RABL2B: variants seen among roughly 807,000 people sequenced by gnomAD.
RABL2B encodes the protein rab-like protein 2B.
A neutral mutation model predicts 26.7 loss-of-function variants in RABL2B; 17 were observed. The ratio of observed to expected loss-of-function variants is 0.64; its 90% CI spans 0.44 to 0.95. The LOEUF is 0.95. Among genes scored for constraint, RABL2B ranks in the 40% least tolerant of loss-of-function variants. The probability of loss-of-function intolerance (pLI) is 0.00; values close to 1 mark genes in which losing one functional copy is unlikely to be tolerated. For synonymous variants in RABL2B, 70 were observed against 103.9 expected (o/e 0.67, Z 1.99); for missense variants, 170 against 277.2 (o/e 0.61, Z 2.75).
chr22:50,768,768 C>G lies in RABL2B; in HGVS notation c.*8G>C. On this transcript the variant is annotated 3_prime_UTR_variant, in exon 9 of 9. Coordinates refer to ENST00000691320, the MANE Select transcript of RABL2B (RefSeq NM_001130919.3). The stretch of plus-strand genomic sequence containing the variant: ...AAAAGGGCTCCACCCACCCCTAGCC[C>G]CAGCCCCTCAGCTGTGGGGAGAGGC... 1 of 1,613,810 alleles carries G rather than the reference C, an allele frequency of 6.2e-7. No homozygotes were observed. Among genetic ancestry groups the G allele is most frequent in the Non-Finnish European group, 8.5e-7 (1 of 1,179,838 alleles).
At chr22:50,776,881 A>C (rs1177072049) in intron 3 of RABL2B, 132 bp from the exon 4 acceptor site, 2 of 1,460,602 alleles carry the variant, frequency 1.4e-6, no homozygotes, top group Non-Finnish European at 1.8e-6. Flanking sequence ...TTTAAATCAA[A>C]TGAATGTTGC....
intron 3 of RABL2B, chr22:50,777,745 A>G (rs1555925424): frequency 2.9e-6 from 2 of 692,096 alleles, no homozygotes; most frequent in Non-Finnish European, 5.3e-6. Flanking sequence ...CAATCCAAAT[A>G]TGAGTAAGGT....
chr22:50,779,894 T>C (rs2085534509), intron 2 of RABL2B, among the ~76,000 whole-genome samples: 2 of 152,096 alleles, frequency 1.3e-5, no homozygotes, highest in Non-Finnish European at 2.9e-5. Context: ...GGCATGAGAA[T>C]TGCTTGAACC....
At chr22:50,782,672 A>G (rs2086087391) in intron 1 of RABL2B, 1 of 295,612 alleles carries the variant, frequency 3.4e-6, no homozygotes, top group South Asian at 3.2e-5. Flanking sequence ...ATGACTTTGC[A>G]AACATTCCTG....
At chr22:50,782,139 C>G in intron 2 of RABL2B, 49 bp downstream of exon 2, 1 of 1,175,642 alleles carries the variant, frequency 8.5e-7, no homozygotes, top group East Asian at 2.6e-5. Flanking sequence ...TTTTAAATGA[C>G]CTGGACCCTC....
intron 7 of RABL2B, 151 bp from the exon 8 acceptor site, chr22:50,769,275 A>G (rs1348794290): frequency 1.2e-6 from 1 of 863,496 alleles, no homozygotes; most frequent in Non-Finnish European, 1.8e-6. Flanking sequence ...TGACCTATGT[A>G]TGGTCAATGG....
Position 50,775,762 on chromosome 22 carries a change from C to T in RABL2B, c.297+10G>A, listed in dbSNP as rs369822947. 145 of 1,614,076 alleles carry T rather than the reference C, an allele frequency of 9.0e-5. No homozygotes were observed. The highest frequency in any genetic ancestry group is 9.1e-5 in the Non-Finnish European group (107 of 1,179,982). On this transcript the variant is annotated intron_variant, in intron 5 of 8. Coordinates refer to ENST00000691320, the MANE Select transcript of RABL2B (RefSeq NM_001130919.3). ...CCAGTGCCTTTGTCCACCTCCCCAC[C>T]GTCTCGTACCATGATGCAGGCGTGG...
chr22:50,778,150 T>C (rs1296796166), intron 2 of RABL2B, among the ~76,000 whole-genome samples, 169 bp from the exon 3 acceptor site: 7 of 151,830 alleles, frequency 4.6e-5, no homozygotes, highest in African/African-American at 1.7e-4. Context: ...GTATCAGCAT[T>C]ACCAACCCGT....
chr22:50,783,342 C>T (rs1174703654), intron 1 of RABL2B, 159 bp downstream of exon 1: 1 of 153,504 alleles, frequency 6.5e-6, no homozygotes, highest in Non-Finnish European at 1.5e-5. Flanking sequence ...CATGTCCAGG[C>T]ATCGCCAGGC....
rs1555925454 is a variant in RABL2B, at chr22:50,777,813, T to C, written c.137+139A>G. The C allele has an allele frequency of 7.3e-6, 10 of 1,363,346 alleles. No homozygotes were observed. The South Asian group carries it at 1.1e-4, about 15-fold the overall frequency. The allele number at this position is 1,363,346 out of a possible 1,614,324, so 84.5% of individuals were successfully genotyped here. A position where few individuals can be genotyped will look rare whatever the true frequency, so the allele number is the denominator to read the frequency against. On this transcript the variant is annotated intron_variant, in intron 3 of 8. Coordinates refer to ENST00000691320, the MANE Select transcript of RABL2B (RefSeq NM_001130919.3). ...TGTGGGTCAATCGGCAAGAAACAAG[T>C]GCGGAACAAAACCTGTGCGTTCACT...
Position 50,777,987 on chromosome 22 carries a change from A to G in RABL2B, c.108-6T>C. The G allele has an allele frequency of 6.2e-7, 1 of 1,614,084 alleles. No individual in the cohort carries two copies. The highest frequency in any genetic ancestry group is 8.5e-7 in the Non-Finnish European group (1 of 1,180,006). On this transcript the variant is annotated splice_region_variant and splice_polypyrimidine_tract_variant and intron_variant, in intron 2 of 8. Coordinates refer to ENST00000691320, the MANE Select transcript of RABL2B (RefSeq NM_001130919.3). Reference sequence around the variant, plus strand: ...TGAGAAATCTCTCCATGAGTCTGTAAGCAGAACAGGCAAGGTGGTCAGATG... The same window carrying G: ...TGAGAAATCTCTCCATGAGTCTGTAGGCAGAACAGGCAAGGTGGTCAGATG...
intron 5 of RABL2B, among the ~76,000 whole-genome samples, chr22:50,775,318 A>G (rs1181798994): frequency 1.3e-5 from 2 of 151,934 alleles, no homozygotes; most frequent in African/African-American, 2.4e-5. Flanking sequence ...GGGCAACACA[A>G]TGGGAGGCTC....
Position 50,776,694 on chromosome 22 carries a change from C to T in RABL2B, c.193G>A (p.Val65Ile). 1 of 1,611,776 alleles carries T rather than the reference C, an allele frequency of 6.2e-7. No homozygotes were observed. Among genetic ancestry groups the T allele is most frequent in the Non-Finnish European group, 8.5e-7 (1 of 1,178,850 alleles). ...CCCACAAGGATGGTCCTTCCATCTA[C>T]CGTGGCTGTGTGCTTGTACAGGGTC... Reference protein sequence around the residue: ...ALTLYKHTATVDGRTILVDFW... With the variant: ...ALTLYKHTATIDGRTILVDFW... The change falls in exon 4 of 9, where the codon GTA (valine) becomes ATA (isoleucine). Residue 65 changes from valine to isoleucine, a missense_variant. Transcript: ENST00000691320.
At chr22:50,770,430 T>C (rs2083971095) in intron 5 of RABL2B, 6 of 257,520 alleles carry the variant, frequency 2.3e-5, no homozygotes, top group South Asian at 1.7e-4. Context: ...GGCAGGAGAA[T>C]TGCTTGAACT....
intron 2 of RABL2B, 30 bp from the exon 3 acceptor site, chr22:50,778,011 T>C: frequency 1.2e-6 from 2 of 1,614,070 alleles, no homozygotes; most frequent in Non-Finnish European, 8.5e-7. Context: ...GGTGGTCAGA[T>C]GGCGTCTCCA....
chr22:50,780,959 T>A (rs9616832), intron 2 of RABL2B, among the ~76,000 whole-genome samples: 7 of 152,192 alleles, frequency 4.6e-5, no homozygotes, highest in African/African-American at 1.7e-4. Flanking sequence ...GGGGTGTTAT[T>A]TATTGGGTAA....
intron 1 of RABL2B, among the ~76,000 whole-genome samples, chr22:50,782,610 G>A (rs2086076936): frequency 4.6e-5 from 7 of 151,874 alleles, no homozygotes. Flanking sequence ...CAGTGCCAAA[G>A]GCTGTGTGCA....
In RABL2B at chr22:50,769,478, C is replaced by T; in HGVS notation, c.484G>A (p.Ala162Thr). Residue 162 changes from alanine to threonine, a missense_variant, in exon 7 of 9, where the codon GCT becomes ACT. Coordinates refer to ENST00000691320, the MANE Select transcript of RABL2B (RefSeq NM_001130919.3). ...ACCTTCACAACATTGGTACCATCAG[C>T]AGCCGAGACGAAATACAGGGGCAGG... The part of the protein sequence containing the change: ...FSLPLYFVSA[A>T]DGTNVVKLFN... 6.8e-6 allele frequency: 11 copies of T among 1,612,100 alleles called. No homozygotes were observed. The highest frequency in any genetic ancestry group is 9.3e-6 in the Non-Finnish European group (11 of 1,179,210).
At chr22:50,772,576 C>A in intron 5 of RABL2B, 1 of 996,244 alleles carries the variant, frequency 1.0e-6, no homozygotes, top group East Asian at 1.0e-4. Context: ...GCTATTTGTG[C>A]AAGCAACACG....
Sources: allele counts gnomAD v4.1 joint callset (sites outside exome capture counted in the v4.1 genomes callset), GRCh38; gene constraint gnomAD v4.1.1; transcripts MANE v1.5; gene names NCBI Gene and HGNC (gene_info 2026-07-23, HGNC 2026-07-21).